Variants in ANGPT1 observed in about 807,000 individuals in gnomAD.
ANGPT1 encodes the protein angiopoietin-1.
ANGPT1 carries 17 observed loss-of-function variants against 62.2 expected under a neutral mutation model. The ratio of observed to expected loss-of-function variants is 0.27; its 90% CI spans 0.19 to 0.41. ANGPT1 has a LOEUF of 0.41. Ranked by LOEUF, ANGPT1 falls within the 10% of genes least tolerant of loss-of-function variation. The pLI, the probability that ANGPT1 is intolerant of heterozygous loss-of-function variation, is 1.00. For missense variants in ANGPT1, 478 were observed against 594.9 expected (o/e 0.80, Z 2.04); for synonymous variants, 199 against 198.9 (o/e 1.00, Z 0.00).
intron 1 of ANGPT1, among the ~76,000 whole-genome samples, chr8:107,366,904 T>C (rs1816285497): frequency 6.6e-6 from 1 of 152,188 alleles, no homozygotes; most frequent in Non-Finnish European, 1.5e-5. Flanking sequence ...TCTGTCTCTC[T>C]GATCACTCAT....
chr8:107,298,074 C>G (rs1167671159), intron 5 of ANGPT1, among the ~76,000 whole-genome samples: 1 of 151,814 alleles, frequency 6.6e-6, no homozygotes, highest in African/African-American at 2.4e-5. Flanking sequence ...TAACTCTATC[C>G]AAGAAATGAC....
intron 1 of ANGPT1, among the ~76,000 whole-genome samples, chr8:107,462,569 T>C (rs1443483662): frequency 6.6e-6 from 1 of 151,956 alleles, no homozygotes; most frequent in African/African-American, 2.4e-5. Flanking sequence ...CAGGATTCCA[T>C]TGCTGGGGCT....
intron 1 of ANGPT1, among the ~76,000 whole-genome samples, chr8:107,369,307 T>C (rs561211846): frequency 2.6e-5 from 4 of 152,322 alleles, no homozygotes; most frequent in South Asian, 4.1e-4. Flanking sequence ...TCAGCCTTCA[T>C]AGAATTGAAG....
At chr8:107,445,986 C>T (rs1187429243) in intron 1 of ANGPT1, among the ~76,000 whole-genome samples, 2 of 152,246 alleles carry the variant, frequency 1.3e-5, no homozygotes, top group African/African-American at 2.4e-5. Context: ...GGCGCTATCT[C>T]GGCTCACTGA....
At chr8:107,377,099 A>G (rs1816544947) in intron 1 of ANGPT1, among the ~76,000 whole-genome samples, 1 of 152,114 alleles carries the variant, frequency 6.6e-6, no homozygotes, top group African/African-American at 2.4e-5. Flanking sequence ...AATATACCCA[A>G]TGTCTAGCCT....
intron 1 of ANGPT1, among the ~76,000 whole-genome samples, chr8:107,437,538 G>T (rs757474210): frequency 6.6e-6 from 1 of 152,208 alleles, no homozygotes; most frequent in Admixed American, 6.5e-5. Flanking sequence ...TAATGGCCAT[G>T]CTTAGAAGAT....
At chr8:107,311,013 G>T (rs1814847060) in intron 4 of ANGPT1, among the ~76,000 whole-genome samples, 1 of 151,100 alleles carries the variant, frequency 6.6e-6, no homozygotes, top group South Asian at 2.1e-4. Flanking sequence ...CTGTGTGTAT[G>T]TATGTGAGTG....
chr8:107,461,834 A>T (rs563314133), intron 1 of ANGPT1, among the ~76,000 whole-genome samples: 1 of 152,270 alleles, frequency 6.6e-6, no homozygotes, highest in South Asian at 2.1e-4. Context: ...CTCTCTACAC[A>T]CTGAAATATA....
At chr8:107,300,021 G>GTAGTTATATCTAGATATAACTATATATA (rs71308719) in intron 5 of ANGPT1, among the ~76,000 whole-genome samples, 2,973 of 136,944 alleles carry the variant, frequency 0.022, 69 homozygotes, top group Non-Finnish European at 0.026. Flanking sequence ...ATCTAGATAT[G>GTAGTTATATCTAGATATAACTATATATA]TAGTTATATC....
chr8:107,324,163 G>GTATA (rs532768850), intron 3 of ANGPT1, among the ~76,000 whole-genome samples: 14 of 145,412 alleles, frequency 9.6e-5, no homozygotes, highest in African/African-American at 3.6e-4. Context: ...AAAAAAATAT[G>GTATA]TATATATATA....
chr8:107,334,166 T>C (rs540762898), intron 3 of ANGPT1, among the ~76,000 whole-genome samples: 8 of 152,192 alleles, frequency 5.3e-5, no homozygotes, highest in Admixed American at 2.6e-4. Flanking sequence ...GTTTATGTTA[T>C]GGTATCATGA....
Position 107,384,571 on chromosome 8 carries a change from G to A in ANGPT1, c.298-37474C>T, listed in dbSNP as rs117374036. 7.8e-4 allele frequency among the ~76,000 whole-genome samples: 118 copies of A among 152,156 alleles called. No individual in the cohort carries two copies. In the East Asian group the frequency reaches 0.012, roughly 16 times the overall value. The stretch of plus-strand genomic sequence containing the variant: ...GTAACTTTTTTCATCCTTTGGTAGC[G>A]ACAAGCAATCTTTCTTTAGTAAACG... On this transcript the variant is annotated intron_variant, in intron 1 of 8. Transcript: ENST00000517746.
intron 1 of ANGPT1, among the ~76,000 whole-genome samples, chr8:107,442,200 C>T (rs1269814525): frequency 2.0e-5 from 3 of 152,144 alleles, no homozygotes; most frequent in Non-Finnish European, 4.4e-5. Context: ...TATGCTCATG[C>T]ACGTACCTCC....
At chr8:107,355,058 C>T (rs900987602) in intron 1 of ANGPT1, among the ~76,000 whole-genome samples, 10 of 139,130 alleles carry the variant, frequency 7.2e-5, no homozygotes, top group East Asian at 6.7e-4. Context: ...CATGCCACCA[C>T]GCCTAGCTAA....
chr8:107,488,041 G>A (rs1337987221), intron 1 of ANGPT1, among the ~76,000 whole-genome samples: 1 of 152,066 alleles, frequency 6.6e-6, no homozygotes, highest in Admixed American at 6.6e-5. Context: ...ATAATTAAAG[G>A]ATTAGATAAA....
At chr8:107,305,261 G>A (rs1814686470) in intron 4 of ANGPT1, among the ~76,000 whole-genome samples, 1 of 151,978 alleles carries the variant, frequency 6.6e-6, no homozygotes, top group Admixed American at 6.6e-5. Context: ...ACAGGAAGAT[G>A]TGGTCAGCAG....
intron 8 of ANGPT1, among the ~76,000 whole-genome samples, chr8:107,262,781 A>G (rs12545425): frequency 0.017 from 2,600 of 152,328 alleles, 76 homozygotes; most frequent in South Asian, 0.087. Context: ...AATTTCTCTT[A>G]CAATTTTGTT....
chr8:107,298,724 G>T (rs928002210), intron 5 of ANGPT1, among the ~76,000 whole-genome samples: 1 of 151,692 alleles, frequency 6.6e-6, no homozygotes, highest in African/African-American at 2.4e-5. Context: ...ACTACAAGAT[G>T]AATAATTTCT....
intron 1 of ANGPT1, among the ~76,000 whole-genome samples, chr8:107,357,521 G>A (rs1816071417): frequency 6.6e-6 from 1 of 152,128 alleles, no homozygotes; most frequent in African/African-American, 2.4e-5. Flanking sequence ...GACCACCCCA[G>A]CAGCTAGTAG....
Sources: allele counts gnomAD v4.1 joint callset (sites outside exome capture counted in the v4.1 genomes callset), GRCh38; gene constraint gnomAD v4.1.1; transcripts MANE v1.5; gene names NCBI Gene and HGNC (gene_info 2026-07-23, HGNC 2026-07-21).